Variants in KIAA1217 observed in about 807,000 individuals in gnomAD.
The protein encoded by KIAA1217 is sickle tail protein homolog.
In KIAA1217, 88 loss-of-function variants were observed where a neutral mutation model predicts 163.9. That is an observed-to-expected ratio of 0.54 (90% CI 0.45 to 0.64). The LOEUF is 0.64. Among genes scored for constraint, KIAA1217 ranks in the 30% least tolerant of loss-of-function variants. The pLI, the probability that KIAA1217 is intolerant of heterozygous loss-of-function variation, is 0.00. For missense variants in KIAA1217, 2,372 were observed against 2,475.0 expected, an observed-to-expected ratio of 0.96 and a Z score of 0.88; for synonymous variants, 903 against 923.1, an observed-to-expected ratio of 0.98 and a Z score of 0.39.
intron 2 of KIAA1217, among the ~76,000 whole-genome samples, chr10:24,048,619 A>G (rs1179540199): frequency 6.6e-6 from 1 of 151,876 alleles, no homozygotes; most frequent in Non-Finnish European, 1.5e-5. Context: ...AATCCCAGCT[A>G]CCTGGGAGGG....
rs372333243 is a variant in KIAA1217 at position 24,055,957 on chromosome 10, T to TA, written c.-171+48596dup. On this transcript the variant is annotated intron_variant, in intron 2 of 18. Coordinates refer to the KIAA1217 transcript ENST00000376462. ...AGGCTAAAGCTAAAAACACTAAATT[T>TA]AAAAAAAAAAAAATACCCCAAATGT... Among the ~76,000 whole-genome samples the TA allele has an allele frequency of 5.0e-3, 713 of 143,002 alleles. 2 individuals are homozygous for TA. Among genetic ancestry groups the TA allele is most frequent in the East Asian group, 0.017 (82 of 4,934 alleles). The allele number at this position is 143,002 out of a possible 152,430, so 93.8% of individuals were successfully genotyped here.
chr10:23,867,401 T>C (rs1181246575), intron 1 of KIAA1217, among the ~76,000 whole-genome samples: 1 of 152,120 alleles, frequency 6.6e-6, no homozygotes, highest in Admixed American at 6.5e-5. Context: ...GTATTTCTAG[T>C]TCTAGATCCC....
intron 2 of KIAA1217, among the ~76,000 whole-genome samples, chr10:24,131,142 A>T (rs1429485372): frequency 6.6e-6 from 1 of 152,244 alleles, no homozygotes; most frequent in Non-Finnish European, 1.5e-5. Flanking sequence ...TAAAAATAGC[A>T]TTAACATACT....
intron 9 of KIAA1217, among the ~76,000 whole-genome samples, chr10:24,502,240 C>CTTTTTTTTTTTTTTTTTTT (rs772404852): frequency 7.4e-5 from 6 of 80,632 alleles, no homozygotes; most frequent in Admixed American, 1.6e-4. Flanking sequence ...GTCAGCCAAG[C>CTTTTTTTTTTTTTTTTTTT]TTTTTTTTTT....
At chr10:24,385,815 A>G (rs1239426780) in intron 3 of KIAA1217, among the ~76,000 whole-genome samples, 2 of 152,212 alleles carry the variant, frequency 1.3e-5, no homozygotes, top group African/African-American at 2.4e-5. Flanking sequence ...CCGCCTTCCA[A>G]TAGAATTTGG....
chr10:23,759,175 G>A (rs1414459832), intron 1 of KIAA1217, among the ~76,000 whole-genome samples: 1 of 151,904 alleles, frequency 6.6e-6, no homozygotes, highest in South Asian at 2.1e-4. Context: ...TCTTTTTGAT[G>A]CTATTGTAAT....
chr10:24,371,838 T>A (rs914424096), intron 2 of KIAA1217, among the ~76,000 whole-genome samples: 3 of 152,256 alleles, frequency 2.0e-5, no homozygotes, highest in African/African-American at 7.2e-5. Context: ...TGATCTATTC[T>A]TTAAAAATAT....
At chr10:24,544,872 G>A (rs2075544133) in intron 19 of KIAA1217, 109 bp from the exon 20 acceptor site, 2 of 1,201,316 alleles carry the variant, frequency 1.7e-6, no homozygotes, top group Admixed American at 4.1e-5. Context: ...CTGCATGTAG[G>A]GCTGTGGCTT....
chr10:24,439,267 A>G (rs938075830), intron 5 of KIAA1217, among the ~76,000 whole-genome samples: 4 of 151,698 alleles, frequency 2.6e-5, no homozygotes, highest in African/African-American at 4.9e-5. Context: ...TCAGCTGTAC[A>G]CCCCCTACAC....
At chr10:24,123,628 A>G (rs893826008) in intron 2 of KIAA1217, among the ~76,000 whole-genome samples, 1 of 152,170 alleles carries the variant, frequency 6.6e-6, no homozygotes, top group Non-Finnish European at 1.5e-5. Context: ...TGCCGATGGC[A>G]GTCACCTAAG....
intron 2 of KIAA1217, among the ~76,000 whole-genome samples, chr10:24,251,442 A>G (rs1392231644): frequency 6.6e-6 from 1 of 151,782 alleles, no homozygotes; most frequent in Non-Finnish European, 1.5e-5. Flanking sequence ...AAAAGAAAGA[A>G]AAAAACAGAT....
chr10:23,816,754 T>C (rs1471842280), intron 1 of KIAA1217, among the ~76,000 whole-genome samples: 1 of 152,192 alleles, frequency 6.6e-6, no homozygotes, highest in Non-Finnish European at 1.5e-5. Context: ...GAAGGGCAAT[T>C]GGACAAATGG....
At chr10:24,074,661 A>ATTCTTC (rs552217743) in intron 2 of KIAA1217, among the ~76,000 whole-genome samples, 57 of 147,992 alleles carry the variant, frequency 3.9e-4, no homozygotes, top group Admixed American at 8.7e-4. Context: ...ATATTCTGGA[A>ATTCTTC]TTCTTCTTCT....
intron 5 of KIAA1217, among the ~76,000 whole-genome samples, chr10:24,452,392 G>T (rs1023898409): frequency 6.6e-6 from 1 of 151,968 alleles, no homozygotes; most frequent in Admixed American, 6.6e-5. Flanking sequence ...TGAATGAGAC[G>T]GCCGGGCACG....
chr10:24,167,392 G>C (rs1335744057), intron 2 of KIAA1217, among the ~76,000 whole-genome samples: 2 of 151,782 alleles, frequency 1.3e-5, no homozygotes, highest in African/African-American at 4.8e-5. Context: ...AGGATTCAAA[G>C]GTGTCATAGC....
chr10:24,237,610 C>T (rs1254792543), intron 2 of KIAA1217, among the ~76,000 whole-genome samples: 1 of 152,194 alleles, frequency 6.6e-6, no homozygotes, highest in East Asian at 1.9e-4. Context: ...TCTAATGGAA[C>T]TTTGAAGAAT....
chr10:24,055,719 C>A (rs1459992685), intron 2 of KIAA1217, among the ~76,000 whole-genome samples: 1 of 150,706 alleles, frequency 6.6e-6, no homozygotes, highest in Non-Finnish European at 1.5e-5. Flanking sequence ...TTTTTTTTTC[C>A]GATAAAACTT....
At chr10:24,260,464 T>C (rs2075606499) in intron 2 of KIAA1217, among the ~76,000 whole-genome samples, 1 of 151,764 alleles carries the variant, frequency 6.6e-6, no homozygotes, top group African/African-American at 2.4e-5. Context: ...AAAGACAATT[T>C]TGAGGCCAGG....
chr10:23,856,108 T>C (rs930063313), intron 1 of KIAA1217, among the ~76,000 whole-genome samples: 7 of 152,162 alleles, frequency 4.6e-5, no homozygotes, highest in Non-Finnish European at 1.0e-4. Flanking sequence ...AGTTTCCAGT[T>C]TTTCTGCTCT....
Sources: allele counts gnomAD v4.1 joint callset (sites outside exome capture counted in the v4.1 genomes callset), GRCh38; gene constraint gnomAD v4.1.1; transcripts MANE v1.5; gene names NCBI Gene and HGNC (gene_info 2026-07-23, HGNC 2026-07-21).